GPC5: variants seen among roughly 807,000 people sequenced by gnomAD.
GPC5 encodes the protein glypican-5.
Under a neutral mutation model 53.9 loss-of-function variants are expected in GPC5, and 47 were observed. The observed-to-expected ratio is 0.87, with a 90% CI of 0.69 to 1.11. The LOEUF is 1.11. Ranked by LOEUF, GPC5 falls within the 50% of genes most tolerant of loss-of-function variation. The pLI is 0.00. For synonymous variants in GPC5, 286 were observed against 263.3 expected (o/e 1.09, Z -0.84); for missense variants, 748 against 713.1 (o/e 1.05, Z -0.56).
chr13:91,972,415 T>C (rs1187821583), intron 6 of GPC5, among the ~76,000 whole-genome samples: 2 of 152,112 alleles, frequency 1.3e-5, no homozygotes, highest in East Asian at 1.9e-4. Context: ...CTTGACTCTT[T>C]ATCCAATTTG....
intron 7 of GPC5, among the ~76,000 whole-genome samples, chr13:92,705,632 C>G (rs1363884420): frequency 6.6e-6 from 1 of 152,024 alleles, no homozygotes; most frequent in African/African-American, 2.4e-5. Flanking sequence ...TACATGTTTT[C>G]CTTTTTAATG....
intron 2 of GPC5, among the ~76,000 whole-genome samples, chr13:91,688,114 T>A (rs906488153): frequency 1.3e-5 from 2 of 152,030 alleles, no homozygotes; most frequent in African/African-American, 4.8e-5. Context: ...TTGGTAAACA[T>A]GGTATAAGAA....
chr13:91,879,203 A>G (rs1317089960), intron 5 of GPC5, among the ~76,000 whole-genome samples: 15 of 152,140 alleles, frequency 9.9e-5, no homozygotes, highest in Admixed American at 6.6e-4. Context: ...TTTGTTATAT[A>G]GGTATACAGT....
chr13:92,182,496 TC>T (rs2042153908), intron 7 of GPC5, among the ~76,000 whole-genome samples: 1 of 152,194 alleles, frequency 6.6e-6, no homozygotes, highest in Non-Finnish European at 1.5e-5. Flanking sequence ...GTATAATGAG[TC>T]AATTTAAGTA....
At chr13:92,420,653 C>T (rs1456121712) in intron 7 of GPC5, among the ~76,000 whole-genome samples, 4 of 152,032 alleles carry the variant, frequency 2.6e-5, no homozygotes, top group African/African-American at 9.7e-5. Flanking sequence ...ACTACCCTTC[C>T]CAGCCTCTGG....
chr13:92,840,072 TA>T (rs2138832019), intron 7 of GPC5, among the ~76,000 whole-genome samples: 2 of 108,090 alleles, frequency 1.9e-5, no homozygotes, highest in Admixed American at 2.2e-4. Flanking sequence ...TCTTCATATA[TA>T]CATACATATA....
chr13:91,762,475 AT>A (rs1248776041), intron 5 of GPC5, among the ~76,000 whole-genome samples: 1 of 151,928 alleles, frequency 6.6e-6, no homozygotes. Flanking sequence ...AGGTCTCAGG[AT>A]TGTCTGAATT....
intron 2 of GPC5, among the ~76,000 whole-genome samples, chr13:91,571,908 A>ATG (rs2031858969): frequency 3.5e-5 from 2 of 57,914 alleles, no homozygotes; most frequent in African/African-American, 1.0e-4. Flanking sequence ...CACATATTGT[A>ATG]TATATACACA....
intron 6 of GPC5, among the ~76,000 whole-genome samples, chr13:92,024,083 T>C (rs1001102851): frequency 1.1e-4 from 16 of 152,248 alleles, no homozygotes; most frequent in African/African-American, 3.8e-4. Context: ...GGCTATATTC[T>C]GAGGCCCAGG....
intron 7 of GPC5, among the ~76,000 whole-genome samples, chr13:92,589,761 C>T (rs1883658194): frequency 6.6e-6 from 1 of 152,206 alleles, no homozygotes; most frequent in Non-Finnish European, 1.5e-5. Flanking sequence ...GAGAAGTCCA[C>T]ATAGGATTCA....
chr13:92,295,345 T>A (rs2043027219), intron 7 of GPC5, among the ~76,000 whole-genome samples: 1 of 152,194 alleles, frequency 6.6e-6, no homozygotes, highest in Admixed American at 6.5e-5. Context: ...TCTTTTGGAG[T>A]TGATTTCCAG....
chr13:91,770,160 C>G (rs563423951), intron 5 of GPC5, among the ~76,000 whole-genome samples: 2 of 152,212 alleles, frequency 1.3e-5, no homozygotes, highest in Admixed American at 1.3e-4. Flanking sequence ...AATTCATGAA[C>G]AGCCAAAGGG....
chr13:92,248,501 T>C (rs2139125538), intron 7 of GPC5, among the ~76,000 whole-genome samples: 1 of 152,264 alleles, frequency 6.6e-6, no homozygotes, highest in South Asian at 2.1e-4. Context: ...CGTCTCAGTT[T>C]TCTCATCTGT....
chr13:91,560,349 T>C lies in GPC5; in HGVS notation c.325+111427T>C, dbSNP rs549681323. 3.1e-4 allele frequency among the ~76,000 whole-genome samples: 47 copies of C among 152,262 alleles called. No homozygotes were observed. The South Asian group carries it at 9.5e-3, about 31-fold the overall frequency. On this transcript the variant is annotated intron_variant, in intron 2 of 7. Transcript: ENST00000377067. ...TGAAATGATGGGTCTGGATCTCAGA[T>C]CTTTTGTCCTCCAGACTATAGGGGA...
At chr13:91,500,034 C>T (rs1343989971) in intron 2 of GPC5, among the ~76,000 whole-genome samples, 5 of 152,116 alleles carry the variant, frequency 3.3e-5, no homozygotes, top group African/African-American at 1.2e-4. Context: ...TTAGGTATCC[C>T]CTTGGACCAT....
chr13:92,031,088 T>C (rs1267106053), intron 6 of GPC5, among the ~76,000 whole-genome samples: 1 of 152,148 alleles, frequency 6.6e-6, no homozygotes, highest in Non-Finnish European at 1.5e-5. Flanking sequence ...TTGGCTTCTA[T>C]AACACCATGG....
In GPC5 at chr13:92,851,694, A is replaced by C. The variant is rs190403681; in HGVS notation, c.1562-14588A>C. Among the ~76,000 whole-genome samples, 366 of 151,322 alleles carry C rather than the reference A, an allele frequency of 2.4e-3. 2 individuals carry two copies. Among genetic ancestry groups the C allele is most frequent in the African/African-American group, 8.2e-3 (338 of 41,218 alleles). Reference sequence around the variant, plus strand: ...CAGGAGATTGAGACCATCCTGGCTAACACGGTGAAACTCCATCTCTACTAA... The same window carrying C: ...CAGGAGATTGAGACCATCCTGGCTACCACGGTGAAACTCCATCTCTACTAA... On this transcript the variant is annotated intron_variant, in intron 7 of 7. Transcript: ENST00000377067.
intron 2 of GPC5, among the ~76,000 whole-genome samples, chr13:91,652,417 G>C (rs531972895): frequency 6.6e-6 from 1 of 151,962 alleles, no homozygotes; most frequent in Non-Finnish European, 1.5e-5. Context: ...GTACTTTATG[G>C]CTTCTCTTGG....
chr13:92,056,250 A>C (rs919449700), intron 6 of GPC5, among the ~76,000 whole-genome samples: 3 of 152,140 alleles, frequency 2.0e-5, no homozygotes, highest in African/African-American at 7.2e-5. Flanking sequence ...CTCATCATTC[A>C]GAACTCTGTT....
Sources: allele counts gnomAD v4.1 joint callset (sites outside exome capture counted in the v4.1 genomes callset), GRCh38; gene constraint gnomAD v4.1.1; transcripts MANE v1.5; gene names NCBI Gene and HGNC (gene_info 2026-07-23, HGNC 2026-07-21).